The following SEMA5B variants were observed in gnomAD, a reference collection of about 807,000 sequenced individuals.
SEMA5B encodes the protein semaphorin-5B.
Under a neutral mutation model 135.0 loss-of-function variants are expected in SEMA5B, and 66 were observed. The ratio of observed to expected loss-of-function variants is 0.49; its 90% CI spans 0.40 to 0.60. The LOEUF (loss-of-function observed/expected upper bound fraction) is 0.60, where lower values mean the gene tolerates loss of function less well. SEMA5B is among the 20% of genes least tolerant of loss of function. SEMA5B has a pLI of 0.00. For missense variants in SEMA5B, 1,501 were observed against 1,566.3 expected, an observed-to-expected ratio of 0.96 and a Z score of 0.70; for synonymous variants, 690 against 639.5, an observed-to-expected ratio of 1.08 and a Z score of -1.19.
intron 1 of SEMA5B, among the ~76,000 whole-genome samples, chr3:123,020,969 C>G (rs1942661587): frequency 6.6e-6 from 1 of 152,210 alleles, no homozygotes; most frequent in Admixed American, 6.5e-5. Flanking sequence ...GAGCATGTGC[C>G]CCAAGGCACC....
At position 122,922,425 on chromosome 3, in the gene SEMA5B, C is replaced by G; in HGVS notation, c.1295G>C (p.Gly432Ala). ...NFQCGTLPET[G>A]PNENLTERSL... ...GCGCTCCGTCAGGTTCTCGTTGGGA[C>G]CGGTCTCAGGCAGGGTGCCACACTG... Residue 432 changes from glycine to alanine, a missense_variant, in exon 11 of 23, where the codon GGT (glycine) becomes GCT (alanine). Physicochemically the swap from Gly to Ala is moderately conservative, Grantham distance 60. This residue lies in a region of SEMA5B where 574 missense variants were observed against 684.7 expected (regional missense o/e 0.84). Transcript: ENST00000357599. 1 of 1,607,198 alleles carries G rather than the reference C, an allele frequency of 6.2e-7. No individual in the cohort carries two copies. The highest frequency in any genetic ancestry group is 8.5e-7 in the Non-Finnish European group (1 of 1,177,590).
intron 3 of SEMA5B, among the ~76,000 whole-genome samples, chr3:122,947,230 C>T (rs1403693630): frequency 1.3e-5 from 2 of 152,176 alleles, no homozygotes; most frequent in Admixed American, 6.5e-5. Context: ...AGGGTGTGCA[C>T]GAGTTTTGCA....
chr3:123,010,808 CAAAAAAAAAAAA>C (rs138507516), intron 1 of SEMA5B, among the ~76,000 whole-genome samples: 1 of 63,458 alleles, frequency 1.6e-5, no homozygotes, highest in East Asian at 4.7e-4. Context: ...GTCTCCATCT[CAAAAAAAAAAAA>C]AAAAAAAAAA....
rs139688123 is a variant in SEMA5B at position 123,016,232 on chromosome 3, G to T, written c.-39+11232C>A. Among the ~76,000 whole-genome samples, 632 of 152,320 alleles carry T rather than the reference G, an allele frequency of 4.1e-3. 7 individuals carry two copies. The highest frequency in any genetic ancestry group is 0.015 in the African/African-American group (608 of 41,574). ...CTACACCCAGACCTCTCTTTGAGGG[G>T]CTCAGGGAAAACTCACTGGGAAGAC... On this transcript the variant is annotated intron_variant, in intron 1 of 22. Coordinates refer to ENST00000357599, the MANE Select transcript of SEMA5B (RefSeq NM_001031702.4).
At chr3:122,966,929 G>T (rs963633608) in intron 1 of SEMA5B, among the ~76,000 whole-genome samples, 2 of 147,618 alleles carry the variant, frequency 1.4e-5, no homozygotes, top group Non-Finnish European at 3.0e-5. Context: ...TTGTGGCCCA[G>T]GCTGGAATGC....
chr3:122,923,212 A>G (rs1938459696), intron 10 of SEMA5B, among the ~76,000 whole-genome samples: 2 of 151,968 alleles, frequency 1.3e-5, no homozygotes, highest in African/African-American at 4.8e-5. Context: ...CACCCTGACC[A>G]CTCCTAGCAC....
rs2107599231 is a variant in SEMA5B at position 122,909,981 on chromosome 3, T to C, written c.*162A>G. ...AACCAGCCCTTTCCCCCATGGTCAA[T>C]GCCAGCCAGAGCTCTCTGAAGCCGG... On this transcript the variant is annotated 3_prime_UTR_variant, in exon 23 of 23. Coordinates refer to ENST00000357599, the MANE Select transcript of SEMA5B (RefSeq NM_001031702.4). 1 of 715,634 alleles carries C rather than the reference T, an allele frequency of 1.4e-6. No homozygotes were observed. The highest frequency in any genetic ancestry group is 2.3e-6 in the Non-Finnish European group (1 of 434,064). The allele number at this position is 715,634 out of a possible 1,614,324, so 44.3% of individuals were successfully genotyped here.
chr3:122,926,514 T>A lies in SEMA5B; in HGVS notation c.1014A>T (p.Thr338=), dbSNP rs942296247. ...GRFLLEDTWT[T]FMKARLNCSR... The stretch of plus-strand genomic sequence containing the variant: ...AGCAGTTGAGCCGGGCCTTCATGAA[T>A]GTGGTCCATGTGTCCTCCAGCAGGA... Residue 338 remains threonine, a synonymous_variant, in exon 9 of 23, where the codon ACA becomes ACT. Coordinates refer to ENST00000357599, the MANE Select transcript of SEMA5B (RefSeq NM_001031702.4). 2 of 1,614,112 alleles carry A rather than the reference T, an allele frequency of 1.2e-6. No homozygotes were observed. Among genetic ancestry groups the A allele is most frequent in the East Asian group, 4.5e-5 (2 of 44,894 alleles).
intron 1 of SEMA5B, among the ~76,000 whole-genome samples, chr3:122,985,739 T>A (rs1283740559): frequency 2.0e-5 from 3 of 152,046 alleles, no homozygotes; most frequent in African/African-American, 7.2e-5. Flanking sequence ...AGCTAGGGGA[T>A]CTCCCAAGCA....
chr3:123,015,636 G>A (rs978543751), intron 1 of SEMA5B, among the ~76,000 whole-genome samples: 2 of 152,208 alleles, frequency 1.3e-5, no homozygotes, highest in Non-Finnish European at 2.9e-5. Flanking sequence ...CCCAGCCACA[G>A]CGAGAAGAGA....
intron 1 of SEMA5B, among the ~76,000 whole-genome samples, chr3:123,023,702 G>GA (rs1942740562): frequency 6.6e-6 from 1 of 152,308 alleles, no homozygotes; most frequent in East Asian, 1.9e-4. Context: ...AGGTCCCCCA[G>GA]ACAAACCCAC....
At chr3:123,015,356 C>T (rs940541107) in intron 1 of SEMA5B, among the ~76,000 whole-genome samples, 8 of 152,346 alleles carry the variant, frequency 5.3e-5, no homozygotes, top group South Asian at 2.1e-4. Context: ...ATCAGCAGTG[C>T]TGTGTGGCTG....
Position 122,912,898 on chromosome 3 carries a change from C to T in SEMA5B, c.2670G>A (p.Leu890=), listed in dbSNP as rs1937814484. ...CTNPEPRNGG[L]PCVGDAAEYQ... is the part of the protein sequence containing the mutation. ...ACTCGGCAGCATCGCCCACGCAGGG[C>T]AGGCCCCCGTTGCGGGGCTCCGGGT... is the stretch of plus-strand genomic sequence containing the variant. The change falls in exon 18 of 23, where the codon CTG becomes CTA. Residue 890 remains leucine (L), a synonymous_variant. Transcript: ENST00000357599. The T allele has an allele frequency of 6.2e-7, 1 of 1,611,020 alleles. No individual in the cohort carries two copies. The highest frequency in any genetic ancestry group is 8.5e-7 in the Non-Finnish European group (1 of 1,178,706).
At chr3:123,000,870 C>A (rs1942153320) in intron 1 of SEMA5B, among the ~76,000 whole-genome samples, 1 of 152,228 alleles carries the variant, frequency 6.6e-6, no homozygotes, top group Non-Finnish European at 1.5e-5. Flanking sequence ...TACTTTCAGA[C>A]ACCTGCGTAC....
At chr3:122,963,895 A>C (rs1265361316) in intron 1 of SEMA5B, among the ~76,000 whole-genome samples, 1 of 151,938 alleles carries the variant, frequency 6.6e-6, no homozygotes, top group East Asian at 1.9e-4. Context: ...TGGTTCTCAA[A>C]GTTTCTATCC....
Position 122,913,392 on chromosome 3 carries a change from G to A in SEMA5B, c.2313C>T (p.Pro771=), listed in dbSNP as rs1366394987. 1.9e-6 allele frequency: 3 copies of A among 1,577,576 alleles called. No homozygotes were observed. Among genetic ancestry groups the A allele is most frequent in the Non-Finnish European group, 2.6e-6 (3 of 1,166,486 alleles). Residue 771 remains proline, a synonymous_variant, in exon 17 of 23, where the codon CCC becomes CCT. Transcript: ENST00000357599. ...EFKTCNPEGC[P]EVRRNTPWTP... is the part of the protein sequence containing the mutation. ...TCCAGGGGGTGTTGCGCCGCACTTC[G>A]GGGCAGCCCTCGGGGTTGCACGTCT...
Position 122,912,990 on chromosome 3 carries a change from C to G in SEMA5B, c.2578G>C (p.Gly860Arg), listed in dbSNP as rs770641183. 9 of 1,608,130 alleles carry G rather than the reference C, an allele frequency of 5.6e-6. No individual in the cohort carries two copies. The highest frequency in any genetic ancestry group is 3.4e-5 in the Admixed American group (2 of 59,346). Residue 860 changes from glycine to arginine, a missense_variant, in exon 18 of 23, where the codon GGC becomes CGC. This residue lies in a region of SEMA5B where 927 missense variants were observed against 881.6 expected (regional missense o/e 1.05). Coordinates refer to ENST00000357599, the MANE Select transcript of SEMA5B (RefSeq NM_001031702.4). Reference protein sequence around the residue: ...HTVSGGWAAWGPWSSCSRDCE... With the variant: ...HTVSGGWAAWRPWSSCSRDCE... ...TCCCGGGAGCAGGACGACCACGGGCCCCAGGCGGCCCAGCCCCCGCTCACC... is the reference window on the plus strand; with the variant it reads ...TCCCGGGAGCAGGACGACCACGGGCGCCAGGCGGCCCAGCCCCCGCTCACC...
At chr3:122,983,235 A>C (rs1190605402) in intron 1 of SEMA5B, among the ~76,000 whole-genome samples, 1 of 152,108 alleles carries the variant, frequency 6.6e-6, no homozygotes, top group Non-Finnish European at 1.5e-5. Context: ...CTCCAACCAG[A>C]AGTACATCTA....
At chr3:122,930,407 A>C (rs1938905945) in intron 5 of SEMA5B, among the ~76,000 whole-genome samples, 1 of 152,276 alleles carries the variant, frequency 6.6e-6, no homozygotes, top group Non-Finnish European at 1.5e-5. Context: ...TCATCTGGAC[A>C]GAAACAACCG....
Sources: gnomAD v4.1 joint callset for allele counts (sites outside exome capture counted in the v4.1 genomes callset) on GRCh38, gnomAD v4.1.1 for gene constraint, gnomAD v4.1.1 regional missense constraint, MANE v1.5 for transcripts, NCBI Gene and HGNC (gene_info 2026-07-23, HGNC 2026-07-21) for gene names.